Variants in CADM2 observed in about 807,000 individuals in gnomAD.
The protein encoded by CADM2 is immunoglobulin superfamily member 4D.
Under a neutral mutation model 49.8 loss-of-function variants are expected in CADM2, and 12 were observed. That is an observed-to-expected ratio of 0.24 (90% CI 0.15 to 0.39). CADM2 has a LOEUF of 0.39. Ranked by LOEUF, CADM2 falls within the 10% of genes least tolerant of loss-of-function variation. The pLI is 1.00. For missense variants in CADM2, 378 were observed against 492.3 expected, an observed-to-expected ratio of 0.77 and a Z score of 2.20; for synonymous variants, 214 against 175.4, an observed-to-expected ratio of 1.22 and a Z score of -1.74.
intron 1 of CADM2, among the ~76,000 whole-genome samples, chr3:85,245,582 C>G (rs1356558332): frequency 6.6e-6 from 1 of 151,810 alleles, no homozygotes; most frequent in Non-Finnish European, 1.5e-5. Context: ...TCCTCCCAGT[C>G]CACCACCCTT....
intron 1 of CADM2, among the ~76,000 whole-genome samples, chr3:85,637,971 T>C (rs1222654946): frequency 6.6e-6 from 1 of 152,230 alleles, no homozygotes; most frequent in East Asian, 1.9e-4. Flanking sequence ...TGTATTCTAA[T>C]GCGATATATG....
intron 1 of CADM2, among the ~76,000 whole-genome samples, chr3:85,553,155 G>A (rs967933963): frequency 6.6e-6 from 1 of 151,940 alleles, no homozygotes; most frequent in African/African-American, 2.4e-5. Flanking sequence ...AACCGACCAA[G>A]AGAAAAACAA....
intron 8 of CADM2, among the ~76,000 whole-genome samples, chr3:85,999,268 G>T (rs1054901504): frequency 1.4e-5 from 2 of 146,846 alleles, no homozygotes; most frequent in African/African-American, 5.2e-5. Context: ...GGAGGCCGAG[G>T]GTTGGGGGGT....
At chr3:85,256,698 A>G (rs2042892654) in intron 1 of CADM2, among the ~76,000 whole-genome samples, 2 of 152,134 alleles carry the variant, frequency 1.3e-5, no homozygotes, top group South Asian at 4.1e-4. Context: ...GTTAGATTAT[A>G]AAGCCCTGTT....
rs117436446 is a variant in CADM2, at chr3:85,651,413, A to T, written c.62-75109A>T. On this transcript the variant is annotated intron_variant, in intron 1 of 9. Transcript: ENST00000383699. ...TTCCAGCTCCTAAGGATTGTATAAC[A>T]GTTGTTTTCCTTGTATATTATATAC... Among the ~76,000 whole-genome samples, 976 of 152,282 alleles carry T rather than the reference A, an allele frequency of 6.4e-3. 48 individuals carry two copies. The South Asian group carries it at 0.11, about 17-fold the overall frequency.
rs58143091 is a variant in CADM2 at position 85,229,718 on chromosome 3, T to C, written c.61+270050T>C. On this transcript the variant is annotated intron_variant, in intron 1 of 9. Transcript: ENST00000383699. Reference sequence around the variant, plus strand: ...GCCAAGTCTGAAGATGGGCAGGTAATTGAGGGGCAGATACCCTAGCAAAAG... The same window carrying C: ...GCCAAGTCTGAAGATGGGCAGGTAACTGAGGGGCAGATACCCTAGCAAAAG... 6.4e-3 allele frequency among the ~76,000 whole-genome samples: 981 copies of C among 152,284 alleles called. 14 individuals are homozygous for C. The highest frequency in any genetic ancestry group is 0.022 in the African/African-American group (916 of 41,548).
chr3:85,886,507 A>G (rs1713676999), intron 5 of CADM2, among the ~76,000 whole-genome samples, 180 bp downstream of exon 5: 2 of 152,170 alleles, frequency 1.3e-5, no homozygotes, highest in Admixed American at 6.6e-5. Flanking sequence ...ATATATAAGT[A>G]TGATCCCTGT....
At chr3:85,643,830 A>G (rs574441791) in intron 1 of CADM2, among the ~76,000 whole-genome samples, 11 of 152,130 alleles carry the variant, frequency 7.2e-5, no homozygotes, top group Non-Finnish European at 1.6e-4. Context: ...TTGTTTAATC[A>G]TAGATGTTAG....
intron 1 of CADM2, among the ~76,000 whole-genome samples, chr3:85,253,198 C>T (rs1156322852): frequency 1.3e-5 from 2 of 152,042 alleles, no homozygotes; most frequent in Non-Finnish European, 2.9e-5. Context: ...TACATAACTG[C>T]ACTCTCCCCT....
chr3:85,562,443 A>C (rs1434914284), intron 1 of CADM2, among the ~76,000 whole-genome samples: 1 of 131,200 alleles, frequency 7.6e-6, no homozygotes, highest in Non-Finnish European at 1.5e-5. Flanking sequence ...GTGCCATTGC[A>C]CTCCAGCCTG....
At chr3:86,058,457 T>C (rs1738249794) in intron 8 of CADM2, among the ~76,000 whole-genome samples, 1 of 152,126 alleles carries the variant, frequency 6.6e-6, no homozygotes, top group Non-Finnish European at 1.5e-5. Flanking sequence ...GTATTCACAT[T>C]CTAAAGATGA....
At chr3:85,560,500 G>T (rs1221050047) in intron 1 of CADM2, among the ~76,000 whole-genome samples, 6 of 152,204 alleles carry the variant, frequency 3.9e-5, no homozygotes, top group Admixed American at 3.3e-4. Flanking sequence ...TGCAGCCAAC[G>T]CATGGCCATG....
At chr3:85,958,823 T>C (rs756283632) in intron 7 of CADM2, among the ~76,000 whole-genome samples, 24 of 151,878 alleles carry the variant, frequency 1.6e-4, no homozygotes, top group Non-Finnish European at 3.1e-4. Flanking sequence ...CTTCATGTTC[T>C]CACTCATAAG....
At chr3:85,032,979 A>G (rs577441138) in intron 1 of CADM2, among the ~76,000 whole-genome samples, 1 of 152,062 alleles carries the variant, frequency 6.6e-6, no homozygotes, top group Non-Finnish European at 1.5e-5. Context: ...TTCTCTCTAT[A>G]TATCTTTTTT....
At chr3:85,386,456 C>T (rs1187827488) in intron 1 of CADM2, among the ~76,000 whole-genome samples, 2 of 152,114 alleles carry the variant, frequency 1.3e-5, no homozygotes, top group Non-Finnish European at 2.9e-5. Flanking sequence ...TAGGGTGAGA[C>T]CTCTGAGTGA....
chr3:85,484,379 G>T (rs1481969694), intron 1 of CADM2, among the ~76,000 whole-genome samples: 1 of 151,848 alleles, frequency 6.6e-6, no homozygotes, highest in African/African-American at 2.4e-5. Flanking sequence ...AATTTCTTAG[G>T]ATTATGTAAA....
chr3:85,603,731 T>G (rs2107411834), intron 1 of CADM2, among the ~76,000 whole-genome samples: 1 of 152,062 alleles, frequency 6.6e-6, no homozygotes, highest in African/African-American at 2.4e-5. Flanking sequence ...TCAAGCCGTA[T>G]ACTTAAATAT....
chr3:86,026,647 A>T (rs1386485693), intron 8 of CADM2, among the ~76,000 whole-genome samples: 2 of 152,114 alleles, frequency 1.3e-5, no homozygotes, highest in Non-Finnish European at 2.9e-5. Context: ...AAACCTCATG[A>T]ACTTTTAAGA....
At chr3:85,153,565 C>G (rs2040003391) in intron 1 of CADM2, among the ~76,000 whole-genome samples, 1 of 152,202 alleles carries the variant, frequency 6.6e-6, no homozygotes, top group Non-Finnish European at 1.5e-5. Context: ...AGCCAGGAAG[C>G]TCCAACTGGG....
Sources: allele counts gnomAD v4.1 joint callset (sites outside exome capture counted in the v4.1 genomes callset), GRCh38; gene constraint gnomAD v4.1.1; transcripts MANE v1.5; gene names NCBI Gene and HGNC (gene_info 2026-07-23, HGNC 2026-07-21).